CYP4X1: variants seen among roughly 807,000 people sequenced by gnomAD.
CYP4X1 encodes cytochrome P450 family 4 subfamily X member 1, also known as cytochrome P450 4X1.
A neutral mutation model predicts 57.9 loss-of-function variants in CYP4X1; 44 were observed. That is an observed-to-expected ratio of 0.76 (90% CI 0.60 to 0.98). The LOEUF (loss-of-function observed/expected upper bound fraction) is 0.98. Among genes scored for constraint, CYP4X1 ranks in the 50% least tolerant of loss-of-function variants. The pLI is 0.00. For synonymous variants in CYP4X1, 227 were observed against 228.6 expected, an observed-to-expected ratio of 0.99 and a Z score of 0.06; for missense variants, 532 against 623.9, an observed-to-expected ratio of 0.85 and a Z score of 1.57.
downstream of CYP4X1, among the ~76,000 whole-genome samples, chr1:47,055,088 C>T (rs1289748293): frequency 6.6e-6 from 1 of 152,112 alleles, no homozygotes; most frequent in Non-Finnish European, 1.5e-5. Flanking sequence ...TTTTGAGATA[C>T]ATCCCATCAA....
chr1:46,993,415 C>T, the CYP4X1 span, among the ~76,000 whole-genome samples: 1 of 152,114 alleles, frequency 6.6e-6, no homozygotes, highest in Non-Finnish European at 1.5e-5. Flanking sequence ...GTCTTTATAG[C>T]AGCATGATTT....
At chr1:46,996,971 A>G in the CYP4X1 span, among the ~76,000 whole-genome samples, 1 of 152,230 alleles carries the variant, frequency 6.6e-6, no homozygotes, top group Non-Finnish European at 1.5e-5. Flanking sequence ...AGGCAAAACA[A>G]AGGCTGAGGG....
the CYP4X1 span, among the ~76,000 whole-genome samples, chr1:46,980,478 G>T: frequency 6.6e-6 from 1 of 152,116 alleles, no homozygotes; most frequent in Non-Finnish European, 1.5e-5. Flanking sequence ...AAATAAAAGA[G>T]GACACAAACA....
chr1:47,017,344 T>G, the CYP4X1 span, among the ~76,000 whole-genome samples: 156 of 152,296 alleles, frequency 1.0e-3, no homozygotes, highest in African/African-American at 3.5e-3. Context: ...AAATATCAAA[T>G]GAGAGGCATA....
chr1:47,053,463 T>G (rs1235878622), downstream of CYP4X1, among the ~76,000 whole-genome samples: 2 of 152,208 alleles, frequency 1.3e-5, no homozygotes, highest in Non-Finnish European at 2.9e-5. Context: ...AAATGGTATT[T>G]CTAGTTCTAG....
the CYP4X1 span, among the ~76,000 whole-genome samples, chr1:46,982,677 C>T: frequency 6.6e-6 from 1 of 152,188 alleles, no homozygotes; most frequent in Non-Finnish European, 1.5e-5. Context: ...CCAGTAATGA[C>T]ACTTAAGCAT....
upstream of CYP4X1, among the ~76,000 whole-genome samples, chr1:47,022,823 T>A (rs1644013075): frequency 6.6e-6 from 1 of 152,070 alleles, no homozygotes; most frequent in South Asian, 2.1e-4. Context: ...AATAAATGAA[T>A]GAAATGTGGG....
chr1:47,023,552 G>C, upstream of CYP4X1: 1 of 1,218,166 alleles, frequency 8.2e-7, no homozygotes, highest in Non-Finnish European at 1.0e-6. Flanking sequence ...ACTTAAAAGA[G>C]GACGCTCCAG....
downstream of CYP4X1, among the ~76,000 whole-genome samples, chr1:47,051,074 A>G (rs1413309122): frequency 6.6e-6 from 1 of 152,244 alleles, no homozygotes; most frequent in African/African-American, 2.4e-5. Flanking sequence ...GGTGAAGGAT[A>G]TGAACAGACA....
At chr1:47,006,107 G>A in the CYP4X1 span, among the ~76,000 whole-genome samples, 8 of 152,170 alleles carry the variant, frequency 5.3e-5, no homozygotes, top group East Asian at 1.9e-4. Flanking sequence ...TGAAAGAATC[G>A]AGTCCAGTGA....
the CYP4X1 span, among the ~76,000 whole-genome samples, chr1:46,996,201 G>A: frequency 0.033 from 5,053 of 152,260 alleles, 155 homozygotes; most frequent in African/African-American, 0.087. Context: ...GGCATGAAGA[G>A]GGTAGCTGCA....
the CYP4X1 span, among the ~76,000 whole-genome samples, chr1:46,987,654 T>C: frequency 6.6e-6 from 1 of 152,122 alleles, no homozygotes; most frequent in Non-Finnish European, 1.5e-5. Flanking sequence ...CCTCAGCAAA[T>C]GCAAAAGAAC....
chr1:47,007,147 C>A, the CYP4X1 span, among the ~76,000 whole-genome samples: 2 of 152,230 alleles, frequency 1.3e-5, no homozygotes, highest in African/African-American at 4.8e-5. Context: ...GGTCCCTAAA[C>A]CCCGAGTAGC....
the CYP4X1 span, among the ~76,000 whole-genome samples, chr1:46,994,737 C>G: frequency 2.0e-5 from 3 of 152,216 alleles, no homozygotes; most frequent in Non-Finnish European, 2.9e-5. Flanking sequence ...CATGCACACA[C>G]CCACATTCCC....
chr1:47,006,390 CGTTAT>C, the CYP4X1 span, among the ~76,000 whole-genome samples: 3 of 152,082 alleles, frequency 2.0e-5, no homozygotes, highest in Non-Finnish European at 4.4e-5. Context: ...TCCCAGAAAG[CGTTAT>C]GTTATTAGTG....
At chr1:46,981,248 T>C in the CYP4X1 span, among the ~76,000 whole-genome samples, 1 of 152,160 alleles carries the variant, frequency 6.6e-6, no homozygotes, top group Non-Finnish European at 1.5e-5. Context: ...CAAGGGCTAA[T>C]ATCCAGAATC....
At chr1:47,041,881 A>G (rs1475295420) in intron 8 of CYP4X1, among the ~76,000 whole-genome samples, 2 of 151,914 alleles carry the variant, frequency 1.3e-5, no homozygotes. Context: ...GCTTTTCTCT[A>G]TGTTTTTTTC....
At chr1:47,001,000 G>T in the CYP4X1 span, 1 of 216,532 alleles carries the variant, frequency 4.6e-6, no homozygotes, top group South Asian at 9.9e-5. Context: ...GATACTGGCA[G>T]GATCAGAAAA....
chr1:46,997,165 G>A, the CYP4X1 span, among the ~76,000 whole-genome samples: 1 of 152,082 alleles, frequency 6.6e-6, no homozygotes, highest in South Asian at 2.1e-4. Context: ...TTTTGTAAAT[G>A]TTAAAGTGAT....
Sources: gnomAD v4.1 joint callset for allele counts (sites outside exome capture counted in the v4.1 genomes callset) on GRCh38, gnomAD v4.1.1 for gene constraint, MANE v1.5 for transcripts, NCBI Gene and HGNC (gene_info 2026-07-23, HGNC 2026-07-21) for gene names.